Variants in PLXNA4 observed in about 807,000 individuals in gnomAD.
The protein encoded by PLXNA4 is plexin-A4.
PLXNA4 carries 44 observed loss-of-function variants against 191.8 expected under a neutral mutation model. The observed-to-expected ratio is 0.23, with a 90% CI of 0.18 to 0.29. The LOEUF (loss-of-function observed/expected upper bound fraction) is 0.29, where lower values mean the gene tolerates loss of function less well. Among genes scored for constraint, PLXNA4 ranks in the 10% least tolerant of loss-of-function variants. PLXNA4 has a pLI of 1.00. For synonymous variants in PLXNA4, 1,082 were observed against 1,009.5 expected (o/e 1.07, Z -1.36); for missense variants, 1,800 against 2,488.8 (o/e 0.72, Z 5.89).
chr7:132,607,120 T>C (rs775386848), intron 2 of PLXNA4, among the ~76,000 whole-genome samples: 4 of 152,142 alleles, frequency 2.6e-5, no homozygotes, highest in African/African-American at 7.2e-5. Context: ...TTTGAAAAAG[T>C]TTAACGAGAC....
chr7:132,559,337 C>T (rs902348667), intron 1 of PLXNA4, among the ~76,000 whole-genome samples: 2 of 152,074 alleles, frequency 1.3e-5, no homozygotes, highest in Admixed American at 6.5e-5. Context: ...ACAAGACAGC[C>T]CAAAGCACAA....
intron 4 of PLXNA4, among the ~76,000 whole-genome samples, chr7:132,279,923 G>A (rs11981681): frequency 2.6e-5 from 4 of 152,150 alleles, no homozygotes; most frequent in African/African-American, 9.7e-5. Flanking sequence ...TTCTTCCCTA[G>A]GTTAGTGACT....
At chr7:132,427,003 T>C (rs975915877) in intron 3 of PLXNA4, among the ~76,000 whole-genome samples, 1 of 152,136 alleles carries the variant, frequency 6.6e-6, no homozygotes, top group African/African-American at 2.4e-5. Flanking sequence ...AAGCTCAGCA[T>C]ATGAAACAAG....
chr7:132,549,493 G>A (rs1188158940), intron 1 of PLXNA4, among the ~76,000 whole-genome samples: 1 of 152,140 alleles, frequency 6.6e-6, no homozygotes, highest in African/African-American at 2.4e-5. Flanking sequence ...AAAATCCTGG[G>A]TCCCAACCCT....
Position 132,159,461 on chromosome 7 carries a change from C to T in PLXNA4, c.4660+12G>A, listed in dbSNP as rs752671228. The T allele has an allele frequency of 6.2e-7, 1 of 1,613,476 alleles. No homozygotes were observed. Among genetic ancestry groups the T allele is most frequent in the Non-Finnish European group, 8.5e-7 (1 of 1,179,658 alleles). On this transcript the variant is annotated intron_variant, in intron 25 of 31. Coordinates refer to ENST00000321063, the MANE Select transcript of PLXNA4 (RefSeq NM_020911.2). Reference sequence around the variant, plus strand: ...GCCACAAGGACAGCCCCTGGGTGGACAGCCTACTCACCCAGATCCATATCT... The same window carrying T: ...GCCACAAGGACAGCCCCTGGGTGGATAGCCTACTCACCCAGATCCATATCT...
chr7:132,561,464 C>CCTCCTCCTCCTTCTT (rs1269522162), intron 1 of PLXNA4, among the ~76,000 whole-genome samples: 14 of 135,744 alleles, frequency 1.0e-4, no homozygotes, highest in African/African-American at 3.9e-4. Flanking sequence ...TCCTTCTTGT[C>CCTCCTCCTCCTTCTT]CTCCTCCTCC....
chr7:132,376,246 C>T (rs1804653667), intron 3 of PLXNA4, among the ~76,000 whole-genome samples: 1 of 152,170 alleles, frequency 6.6e-6, no homozygotes, highest in Non-Finnish European at 1.5e-5. Flanking sequence ...TGCCGAAAGT[C>T]CTTGGAGTTC....
chr7:132,134,059 A>T (rs1034725453), intron 30 of PLXNA4, among the ~76,000 whole-genome samples: 1 of 152,166 alleles, frequency 6.6e-6, no homozygotes, highest in African/African-American at 2.4e-5. Context: ...CCTGAAACCT[A>T]GGATCAGAGG....
chr7:132,132,561 TACTCCGTTCC>T (rs1794999217), intron 31 of PLXNA4, among the ~76,000 whole-genome samples: 14 of 150,004 alleles, frequency 9.3e-5, no homozygotes, highest in Middle Eastern at 3.4e-3. Context: ...TATTCTATTC[TACTCCGTTCC>T]ATTCCATTCC....
chr7:132,459,994 A>G (rs1018978273), intron 3 of PLXNA4, among the ~76,000 whole-genome samples: 6 of 151,902 alleles, frequency 3.9e-5, no homozygotes, highest in Middle Eastern at 6.8e-3. Context: ...CCAGTACCCA[A>G]TGCAGTCACG....
At chr7:132,326,941 G>T (rs1329542040) in intron 3 of PLXNA4, among the ~76,000 whole-genome samples, 1 of 149,318 alleles carries the variant, frequency 6.7e-6, no homozygotes, top group Non-Finnish European at 1.5e-5. Flanking sequence ...AGGGAAGAAA[G>T]GGAGAGAGGG....
At chr7:132,193,914 C>A in intron 14 of PLXNA4, 148 bp downstream of exon 14, 1 of 1,030,696 alleles carries the variant, frequency 9.7e-7, no homozygotes, top group Non-Finnish European at 1.4e-6. Flanking sequence ...CTCTCACTCA[C>A]TATAAGACAG....
chr7:132,132,452 G>GCTCTA (rs1563048236), intron 31 of PLXNA4, among the ~76,000 whole-genome samples: 9 of 56,804 alleles, frequency 1.6e-4, no homozygotes, highest in Admixed American at 3.9e-4. Context: ...GTTCTGTTCT[G>GCTCTA]TTCTGTTCTG....
chr7:132,158,968 C>T (rs947997078), intron 25 of PLXNA4, among the ~76,000 whole-genome samples: 3 of 152,156 alleles, frequency 2.0e-5, no homozygotes, highest in Admixed American at 2.0e-4. Flanking sequence ...CTCATTTTCC[C>T]TATACTTTCT....
chr7:132,189,433 C>T (rs1228426645), intron 14 of PLXNA4, among the ~76,000 whole-genome samples: 1 of 152,082 alleles, frequency 6.6e-6, no homozygotes, highest in Non-Finnish European at 1.5e-5. Context: ...TGCATGGAGA[C>T]CTTTAGGAAC....
chr7:132,275,152 ATAAT>A (rs891361464), intron 4 of PLXNA4, among the ~76,000 whole-genome samples: 4 of 152,180 alleles, frequency 2.6e-5, no homozygotes, highest in African/African-American at 9.6e-5. Context: ...TTATTGTAAC[ATAAT>A]TAAAGATTTT....
At chr7:132,551,554 G>C (rs1246184793) in intron 1 of PLXNA4, among the ~76,000 whole-genome samples, 2 of 152,172 alleles carry the variant, frequency 1.3e-5, no homozygotes, top group Non-Finnish European at 2.9e-5. Flanking sequence ...GAGGCTGCAA[G>C]GGCCAGCCAG....
intron 9 of PLXNA4, among the ~76,000 whole-genome samples, chr7:132,213,677 G>A (rs532174323): frequency 1.4e-4 from 22 of 152,272 alleles, no homozygotes; most frequent in African/African-American, 4.3e-4. Context: ...TTGGCAGCTC[G>A]AGGAGAGCAG....
chr7:132,137,988 G>A (rs1241570268), intron 30 of PLXNA4, among the ~76,000 whole-genome samples: 1 of 151,598 alleles, frequency 6.6e-6, no homozygotes, highest in East Asian at 1.9e-4. Context: ...CTAGATGGAA[G>A]GATGAGTGGG....
Sources: allele counts gnomAD v4.1 joint callset (sites outside exome capture counted in the v4.1 genomes callset), GRCh38; gene constraint gnomAD v4.1.1; transcripts MANE v1.5; gene names NCBI Gene and HGNC (gene_info 2026-07-23, HGNC 2026-07-21).